HEPHL1: variants seen among roughly 807,000 people sequenced by gnomAD.
HEPHL1 encodes ferroxidase HEPHL1.
HEPHL1 carries 123 observed loss-of-function variants against 122.0 expected under a neutral mutation model. That is an observed-to-expected ratio of 1.01 (90% CI 0.87 to 1.17). The LOEUF is 1.17. Among genes scored for constraint, HEPHL1 ranks in the 50% most tolerant of loss-of-function variants. HEPHL1 has a pLI of 0.00. For synonymous variants in HEPHL1, 527 were observed against 508.9 expected (o/e 1.04, Z -0.48); for missense variants, 1,452 against 1,430.5 (o/e 1.01, Z -0.24).
chr11:94,094,015 A>ATATATATATATATATATAT (rs1565360572), intron 13 of HEPHL1, among the ~76,000 whole-genome samples: 1 of 74,600 alleles, frequency 1.3e-5, no homozygotes, highest in African/African-American at 5.8e-5. Context: ...TATATATATA[A>ATATATATATATATATATAT]AACTTTAAGT....
chr11:94,046,043 C>CTCCAT, intron 2 of HEPHL1, 126 bp downstream of exon 2: 1 of 576,014 alleles, frequency 1.7e-6, no homozygotes, highest in Non-Finnish European at 2.9e-6. Flanking sequence ...CTGTCTGCTT[C>CTCCAT]TCCATCCATC....
chr11:94,039,753 C>A (rs1385256596), intron 1 of HEPHL1, among the ~76,000 whole-genome samples: 8 of 148,374 alleles, frequency 5.4e-5, no homozygotes, highest in South Asian at 2.2e-4. Flanking sequence ...GCACTAAATG[C>A]CCACAAGAGA....
chr11:94,097,974 G>T (rs983367875), intron 13 of HEPHL1, among the ~76,000 whole-genome samples: 2 of 152,104 alleles, frequency 1.3e-5, no homozygotes, highest in Admixed American at 1.3e-4. Context: ...TATCCAATTT[G>T]CCAGTCTTTG....
At chr11:94,074,583 A>G (rs1424593681) in intron 8 of HEPHL1, among the ~76,000 whole-genome samples, 1 of 152,164 alleles carries the variant, frequency 6.6e-6, no homozygotes, top group East Asian at 1.9e-4. Context: ...GGCCTTGTCT[A>G]GTAGGAAAGA....
chr11:94,094,829 C>G (rs1946296956), intron 13 of HEPHL1, among the ~76,000 whole-genome samples: 2 of 152,150 alleles, frequency 1.3e-5, no homozygotes, highest in South Asian at 4.1e-4. Flanking sequence ...ATCCTTCACC[C>G]ACTTGTTGAT....
At chr11:94,073,242 C>T in intron 7 of HEPHL1, 66 bp from the exon 8 acceptor site, 1 of 1,606,010 alleles carries the variant, frequency 6.2e-7, no homozygotes, top group Non-Finnish European at 8.5e-7. Flanking sequence ...CAGAATGACT[C>T]TTCTGCTTTA....
chr11:94,042,893 A>AAAAAAAAAAAAAC (rs1945799383), intron 1 of HEPHL1, among the ~76,000 whole-genome samples: 1 of 149,560 alleles, frequency 6.7e-6, no homozygotes, highest in Non-Finnish European at 1.5e-5. Context: ...AAAAAAAAAA[A>AAAAAAAAAAAAAC]CTGCATGAAT....
chr11:94,043,093 T>A (rs146833172), intron 1 of HEPHL1, among the ~76,000 whole-genome samples: 42 of 152,122 alleles, frequency 2.8e-4, no homozygotes, highest in African/African-American at 9.4e-4. Context: ...ACACATTTTT[T>A]AAATAAATTA....
chr11:94,034,186 A>C (rs1945701539), intron 1 of HEPHL1, among the ~76,000 whole-genome samples: 1 of 152,132 alleles, frequency 6.6e-6, no homozygotes, highest in Admixed American at 6.5e-5. Context: ...GAACCTGTGG[A>C]TCCTTCTTCC....
At chr11:94,088,366 T>C (rs574471255) in intron 11 of HEPHL1, among the ~76,000 whole-genome samples, 1 of 152,338 alleles carries the variant, frequency 6.6e-6, no homozygotes, top group South Asian at 2.1e-4. Context: ...AATTTGAACC[T>C]TGTCTAGGAT....
intron 2 of HEPHL1, chr11:94,056,057 G>T: frequency 2.2e-6 from 1 of 448,294 alleles, no homozygotes; most frequent in Non-Finnish European, 3.9e-6. Flanking sequence ...GTATTTTGAT[G>T]CATTTTTGTT....
intron 1 of HEPHL1, among the ~76,000 whole-genome samples, chr11:94,026,701 A>G (rs1439026359): frequency 6.6e-6 from 1 of 152,158 alleles, no homozygotes; most frequent in African/African-American, 2.4e-5. Context: ...TGGGAGGGAG[A>G]TCAGGTGGCA....
intron 1 of HEPHL1, among the ~76,000 whole-genome samples, chr11:94,033,034 A>G (rs1945690091): frequency 6.6e-6 from 1 of 152,188 alleles, no homozygotes; most frequent in Non-Finnish European, 1.5e-5. Flanking sequence ...GGGAGAAGTG[A>G]CACAAGAGCC....
intron 9 of HEPHL1, 97 bp downstream of exon 9, chr11:94,075,482 A>G (rs1946114504): frequency 1.2e-6 from 1 of 850,704 alleles, no homozygotes; most frequent in East Asian, 2.5e-5. Context: ...TACAAAAAGC[A>G]ATTTGTCTTT....
At chr11:94,111,671 A>G (rs755820048) in intron 19 of HEPHL1, 21 bp from the exon 20 acceptor site, 5 of 1,612,988 alleles carry the variant, frequency 3.1e-6, no homozygotes, top group Non-Finnish European at 4.2e-6. Context: ...CAGGGGCCTG[A>G]CAAGTTTATC....
intron 12 of HEPHL1, among the ~76,000 whole-genome samples, chr11:94,091,276 A>G (rs1946262387): frequency 1.3e-5 from 2 of 152,218 alleles, no homozygotes; most frequent in South Asian, 4.1e-4. Flanking sequence ...ATAGTGCTGA[A>G]CATGGGCCTG....
At chr11:94,025,817 C>CA (rs1739431154) in intron 1 of HEPHL1, among the ~76,000 whole-genome samples, 1 of 152,160 alleles carries the variant, frequency 6.6e-6, no homozygotes, top group South Asian at 2.1e-4. Context: ...CTGGTAAGTG[C>CA]ATGGTCTAAA....
At chr11:94,077,244 A>T (rs1428809796) in intron 9 of HEPHL1, among the ~76,000 whole-genome samples, 2 of 152,180 alleles carry the variant, frequency 1.3e-5, no homozygotes. Flanking sequence ...CATACATTTT[A>T]AAATTTTGCC....
chr11:94,023,124 G>T (rs1265125340), intron 1 of HEPHL1, among the ~76,000 whole-genome samples: 2 of 152,122 alleles, frequency 1.3e-5, no homozygotes, highest in South Asian at 4.2e-4. Context: ...AAGGCTCTGA[G>T]GTTAAATACT....
Sources: allele counts gnomAD v4.1 joint callset (sites outside exome capture counted in the v4.1 genomes callset), GRCh38; gene constraint gnomAD v4.1.1; transcripts MANE v1.5; gene names NCBI Gene and HGNC (gene_info 2026-07-23, HGNC 2026-07-21).